Variants in XRCC4 observed in about 807,000 individuals in gnomAD.
XRCC4 encodes DNA repair protein XRCC4.
A neutral mutation model predicts 39.1 loss-of-function variants in XRCC4; 28 were observed. That is an observed-to-expected ratio of 0.72 (90% CI 0.53 to 0.98). The LOEUF (loss-of-function observed/expected upper bound fraction) is 0.98, where lower values mean the gene tolerates loss of function less well. XRCC4 is among the 50% of genes least tolerant of loss of function. The pLI, the probability that XRCC4 is intolerant of heterozygous loss-of-function variation, is 0.00. For missense variants in XRCC4, 350 were observed against 376.4 expected (o/e 0.93, Z 0.58); for synonymous variants, 123 against 126.4 (o/e 0.97, Z 0.18).
the XRCC4 span, among the ~76,000 whole-genome samples, chr5:83,373,825 GTA>G: frequency 6.6e-6 from 1 of 152,024 alleles, no homozygotes; most frequent in East Asian, 1.9e-4. Context: ...GTATATCTAT[GTA>G]TATAATAGCT....
chr5:83,208,388 G>A (rs1214346830), intron 6 of XRCC4, among the ~76,000 whole-genome samples: 4 of 151,916 alleles, frequency 2.6e-5, no homozygotes, highest in African/African-American at 9.7e-5. Flanking sequence ...AGATGGTATG[G>A]TAATTCATTC....
intron 7 of XRCC4, among the ~76,000 whole-genome samples, chr5:83,286,606 C>A (rs1195947472): frequency 2.0e-5 from 3 of 152,046 alleles, no homozygotes; most frequent in African/African-American, 4.8e-5. Context: ...TTGGATGAAG[C>A]CCACCCATAT....
intron 6 of XRCC4, among the ~76,000 whole-genome samples, chr5:83,226,591 A>G (rs1314859718): frequency 6.6e-6 from 1 of 152,056 alleles, no homozygotes; most frequent in Non-Finnish European, 1.5e-5. Context: ...AGGGCCCTCT[A>G]TGTGGGATCC....
intron 3 of XRCC4, among the ~76,000 whole-genome samples, chr5:83,166,627 CTAAT>C (rs1351683182): frequency 6.8e-6 from 1 of 147,076 alleles, no homozygotes; most frequent in African/African-American, 2.5e-5. Flanking sequence ...CCACGCCTAG[CTAAT>C]TTTTTTTTTT....
chr5:83,210,983 G>T (rs1371136917), intron 6 of XRCC4, among the ~76,000 whole-genome samples: 2 of 152,094 alleles, frequency 1.3e-5, no homozygotes, highest in Non-Finnish European at 2.9e-5. Context: ...TGTTTGGGGG[G>T]AGACAAAAAT....
chr5:83,332,202 T>C (rs1401278945), intron 7 of XRCC4, among the ~76,000 whole-genome samples: 1 of 149,028 alleles, frequency 6.7e-6, no homozygotes, highest in African/African-American at 2.5e-5. Flanking sequence ...TAAACTCTTC[T>C]TGAATATGAA....
At chr5:83,220,369 T>A (rs1407585581) in intron 6 of XRCC4, among the ~76,000 whole-genome samples, 1 of 152,128 alleles carries the variant, frequency 6.6e-6, no homozygotes, top group Non-Finnish European at 1.5e-5. Context: ...GGATTGTGAC[T>A]GGAATCTCTA....
intron 3 of XRCC4, among the ~76,000 whole-genome samples, chr5:83,117,631 ATGTGTGTGTGTGTGTG>A (rs70973379): frequency 0.016 from 2,319 of 145,854 alleles, 69 homozygotes; most frequent in African/African-American, 0.054. Context: ...CTACATATAT[ATGTGTGTGTGTGTGTG>A]TGTGTGTGTG....
At chr5:83,111,750 C>T (rs1189941321) in intron 3 of XRCC4, among the ~76,000 whole-genome samples, 2 of 152,068 alleles carry the variant, frequency 1.3e-5, no homozygotes, top group East Asian at 3.9e-4. Context: ...GCTACTTATT[C>T]TGCTCAGTTC....
At chr5:83,093,599 A>C (rs1292545982) in intron 1 of XRCC4, among the ~76,000 whole-genome samples, 2 of 152,232 alleles carry the variant, frequency 1.3e-5, no homozygotes, top group Non-Finnish European at 2.9e-5. Context: ...GACTGAAATC[A>C]TATCACATAT....
the XRCC4 span, among the ~76,000 whole-genome samples, chr5:83,372,031 G>T: frequency 6.6e-6 from 1 of 152,132 alleles, no homozygotes; most frequent in Non-Finnish European, 1.5e-5. Context: ...AGATTTTGTT[G>T]GCCTGTTGTG....
At chr5:83,301,106 TTGCTGGTCAAA>T (rs1347148061) in intron 7 of XRCC4, among the ~76,000 whole-genome samples, 3 of 152,192 alleles carry the variant, frequency 2.0e-5, no homozygotes, top group Non-Finnish European at 2.9e-5. Flanking sequence ...AGTAATGAGA[TTGCTGGTCAAA>T]TGGTATTTCT....
intron 6 of XRCC4, among the ~76,000 whole-genome samples, chr5:83,236,611 T>C (rs1478991141): frequency 1.3e-5 from 2 of 151,998 alleles, no homozygotes; most frequent in Non-Finnish European, 2.9e-5. Context: ...ATGAAACTAG[T>C]AGAAGAAAAC....
intron 7 of XRCC4, among the ~76,000 whole-genome samples, chr5:83,299,972 A>G (rs1351421673): frequency 6.6e-6 from 1 of 152,160 alleles, no homozygotes; most frequent in Non-Finnish European, 1.5e-5. Flanking sequence ...CATTTCATGG[A>G]AAATTACTTG....
At chr5:83,109,712 T>G (rs1270478023) in intron 2 of XRCC4, among the ~76,000 whole-genome samples, 1 of 151,942 alleles carries the variant, frequency 6.6e-6, no homozygotes. Flanking sequence ...AATTAAAGCT[T>G]ACTTGTAGAT....
At chr5:83,287,717 T>C (rs1242155915) in intron 7 of XRCC4, among the ~76,000 whole-genome samples, 1 of 151,912 alleles carries the variant, frequency 6.6e-6, no homozygotes, top group African/African-American at 2.4e-5. Flanking sequence ...TAAATGCATG[T>C]CATATATTCA....
intron 3 of XRCC4, among the ~76,000 whole-genome samples, chr5:83,192,669 C>T (rs2112690282): frequency 1.3e-5 from 2 of 152,196 alleles, no homozygotes; most frequent in South Asian, 4.2e-4. Context: ...GAAATGCAGA[C>T]ATAGCTTAAA....
chr5:83,145,752 G>A (rs1748422274), intron 3 of XRCC4, among the ~76,000 whole-genome samples: 1 of 152,064 alleles, frequency 6.6e-6, no homozygotes, highest in South Asian at 2.1e-4. Flanking sequence ...TGCTCTGCAT[G>A]GCTGATATTT....
intron 3 of XRCC4, among the ~76,000 whole-genome samples, chr5:83,116,169 G>A (rs1746700727): frequency 6.6e-6 from 1 of 152,190 alleles, no homozygotes; most frequent in Non-Finnish European, 1.5e-5. Flanking sequence ...CCTAAAAATT[G>A]AGAAGGAGTT....
Sources: gnomAD v4.1 joint callset for allele counts (sites outside exome capture counted in the v4.1 genomes callset) on GRCh38, gnomAD v4.1.1 for gene constraint, MANE v1.5 for transcripts, NCBI Gene and HGNC (gene_info 2026-07-23, HGNC 2026-07-21) for gene names.